The following SLK variants were observed in gnomAD, a reference collection of about 807,000 sequenced individuals.
SLK encodes STE20-like serine/threonine-protein kinase.
In SLK, 67 loss-of-function variants were observed where a neutral mutation model predicts 147.7. The ratio of observed to expected loss-of-function variants is 0.45; its 90% CI spans 0.37 to 0.56. The LOEUF (loss-of-function observed/expected upper bound fraction) is 0.56. SLK is among the 20% of genes least tolerant of loss of function. The pLI, the probability that SLK is intolerant of heterozygous loss-of-function variation, is 0.00. For missense variants in SLK, 1,136 were observed against 1,438.8 expected, an observed-to-expected ratio of 0.79 and a Z score of 3.41; for synonymous variants, 441 against 475.0, an observed-to-expected ratio of 0.93 and a Z score of 0.93.
Position 103,990,831 on chromosome 10 carries a change from A to G in SLK, c.307A>G (p.Asn103Asp), listed in dbSNP as rs1276790882. ...TCTAGATGCCTTCTATTATGAGAAC[A>G]ATCTTTGGGTAAGTATTTTCTGTTG... ...KLLDAFYYEN[N>D]LWILIEFCAG... Residue 103 changes from asparagine (N) to aspartate (D), a missense_variant, in exon 2 of 19, where the codon AAT becomes GAT. Asn to Asp is a conservative substitution (Grantham distance 23, BLOSUM62 1). Transcript: ENST00000369755. The G allele has an allele frequency of 6.7e-7, 1 of 1,499,056 alleles. No homozygotes were observed. Among genetic ancestry groups the G allele is most frequent in the Non-Finnish European group, 8.8e-7 (1 of 1,130,708 alleles). 92.9% of individuals were successfully genotyped at this position (1,499,056 alleles called of 1,614,324 possible).
In SLK at chr10:103,998,888, A is replaced by G. The variant is rs567455102; in HGVS notation, c.515-11A>G. 3 of 1,602,138 alleles carry G rather than the reference A, an allele frequency of 1.9e-6. No individual in the cohort carries two copies. The highest frequency in any genetic ancestry group is 2.6e-6 in the Non-Finnish European group (3 of 1,169,588). On this transcript the variant is annotated splice_polypyrimidine_tract_variant and intron_variant, in intron 4 of 18. Coordinates refer to ENST00000369755, the MANE Select transcript of SLK (RefSeq NM_014720.4). ...AAGTTCTCATTAATGCTTTTGTGTG[A>G]TTATTTCAAGCGGATTTTGGAGTAT...
At position 103,996,460 on chromosome 10, in the gene SLK, G is replaced by C. The variant is rs551382477; in HGVS notation, c.515-2439G>C. 2.3e-3 allele frequency among the ~76,000 whole-genome samples: 341 copies of C among 146,376 alleles called. 1 individual carries two copies. The highest frequency in any genetic ancestry group is 3.6e-3 in the Non-Finnish European group (245 of 67,236). On this transcript the variant is annotated intron_variant, in intron 4 of 18. Coordinates refer to ENST00000369755, the MANE Select transcript of SLK (RefSeq NM_014720.4). Reference sequence around the variant, plus strand: ...TTCACCCAGGCCGGACTGCAGTGGCGCTATCTCGGCTCACTGCAAGCTCTG... The same window carrying C: ...TTCACCCAGGCCGGACTGCAGTGGCCCTATCTCGGCTCACTGCAAGCTCTG...
chr10:104,018,136 C>T (rs775161423), intron 13 of SLK, 24 bp from the exon 14 acceptor site: 5 of 1,563,136 alleles, frequency 3.2e-6, no homozygotes, highest in South Asian at 2.3e-5. Flanking sequence ...TACTTATTAA[C>T]TGACAATTAA....
chr10:104,009,845 T>C (rs962794215), intron 12 of SLK, among the ~76,000 whole-genome samples: 1 of 152,096 alleles, frequency 6.6e-6, no homozygotes, highest in Non-Finnish European at 1.5e-5. Flanking sequence ...TTAATGGTGA[T>C]TTGGTTTCAT....
At chr10:104,011,806 C>A (rs145203893) in intron 13 of SLK, among the ~76,000 whole-genome samples, 1 of 152,090 alleles carries the variant, frequency 6.6e-6, no homozygotes, top group African/African-American at 2.4e-5. Context: ...GTGATCTGCC[C>A]GCCTCAGCCT....
chr10:104,019,745 A>G lies in SLK; in HGVS notation c.3144A>G (p.Gln1048=), dbSNP rs146708638. 1.5e-5 allele frequency: 24 copies of G among 1,613,470 alleles called. No individual in the cohort carries two copies. The highest frequency in any genetic ancestry group is 2.7e-5 in the African/African-American group (2 of 74,898). ...LLKRHEKETE[Q]MQRYNQRLIE... Reference sequence around the variant, plus strand: ...TAAAACTTTCATAGGAAACAGAGCAAATGCAGCGTTACAATCAAAGACTTA... The same window carrying G: ...TAAAACTTTCATAGGAAACAGAGCAGATGCAGCGTTACAATCAAAGACTTA... Residue 1048 remains glutamine (Q), a synonymous_variant, in exon 16 of 19, where the codon CAA becomes CAG. Transcript: ENST00000369755.
chr10:103,973,658 TAC>T (rs1843823088), intron 1 of SLK, among the ~76,000 whole-genome samples: 1 of 152,258 alleles, frequency 6.6e-6, no homozygotes, highest in Admixed American at 6.5e-5. Flanking sequence ...AATAATGAGT[TAC>T]AGTTTTTTTC....
intron 1 of SLK, among the ~76,000 whole-genome samples, chr10:103,969,700 G>C (rs1201666023): frequency 6.6e-6 from 1 of 152,206 alleles, no homozygotes; most frequent in Non-Finnish European, 1.5e-5. Flanking sequence ...GTAGTGGGAA[G>C]ATCACTCCTG....
rs778249650 is a variant in SLK at position 104,003,346 on chromosome 10, A to G, written c.2168A>G (p.Lys723Arg). 1 of 1,614,046 alleles carries G rather than the reference A, an allele frequency of 6.2e-7. No homozygotes were observed. The highest frequency in any genetic ancestry group is 8.5e-7 in the Non-Finnish European group (1 of 1,179,930). ...ININSDSGEN[K>R]EEIGSLSKTE... is the part of the protein sequence containing the mutation. ...ATCAACTCTGACAGTGGAGAAAATA[A>G]AGAAGAAATAGGTTCTTTATCAAAA... is the stretch of plus-strand genomic sequence containing the variant. The change falls in exon 9 of 19, where the codon AAA (lysine) becomes AGA (arginine). Residue 723 changes from lysine (K) to arginine (R), a missense_variant. Around this residue, in one of 6 missense-constraint regions of SLK, gnomAD observed 516 missense variants for 531.3 expected, o/e 0.97. Transcript: ENST00000369755.
intron 1 of SLK, among the ~76,000 whole-genome samples, chr10:103,975,185 C>A (rs1488229536): frequency 6.7e-6 from 1 of 149,230 alleles, no homozygotes; most frequent in East Asian, 2.0e-4. Context: ...TACCCTAAGA[C>A]CTCCCTTTTG....
intron 1 of SLK, among the ~76,000 whole-genome samples, chr10:103,986,354 G>A (rs1489231017): frequency 2.6e-5 from 4 of 152,116 alleles, no homozygotes; most frequent in Admixed American, 6.5e-5. Context: ...ATCATCAGGC[G>A]TTAGATTCTC....
chr10:103,977,932 C>T (rs561790651), intron 1 of SLK, among the ~76,000 whole-genome samples: 25 of 152,218 alleles, frequency 1.6e-4, no homozygotes, highest in East Asian at 1.3e-3. Flanking sequence ...CTAGATTCTA[C>T]AGCTGTTCAT....
At chr10:103,983,627 T>G (rs1054022906) in intron 1 of SLK, among the ~76,000 whole-genome samples, 1 of 151,760 alleles carries the variant, frequency 6.6e-6, no homozygotes, top group African/African-American at 2.4e-5. Flanking sequence ...TCCTGTGAAC[T>G]TCCTGTCTGC....
At chr10:103,991,716 A>G (rs1349484485) in intron 2 of SLK, among the ~76,000 whole-genome samples, 1 of 151,732 alleles carries the variant, frequency 6.6e-6, no homozygotes, top group Non-Finnish European at 1.5e-5. Flanking sequence ...AGCACTTGTA[A>G]AAAAAAATAA....
intron 18 of SLK, among the ~76,000 whole-genome samples, chr10:104,024,038 C>G (rs903930964): frequency 6.6e-6 from 1 of 152,194 alleles, no homozygotes; most frequent in Non-Finnish European, 1.5e-5. Flanking sequence ...CACGTTTCCG[C>G]GCTCACTGCA....
chr10:104,005,857 T>C, intron 10 of SLK, 55 bp from the exon 11 acceptor site: 1 of 1,559,698 alleles, frequency 6.4e-7, no homozygotes, highest in East Asian at 2.3e-5. Context: ...AAAAAACGTA[T>C]TTCAGAAGTG....
Position 104,029,029 on chromosome 10 carries a change from A to G in SLK, c.*3309A>G, listed in dbSNP as rs1262613547. ...TTGATAAAGCTTTAACATTCCTGCT[A>G]CTAATTTTGGCGGAGAGTGTTTGCC... is the stretch of plus-strand genomic sequence containing the variant. On this transcript the variant is annotated 3_prime_UTR_variant, in exon 19 of 19. Coordinates refer to ENST00000369755, the MANE Select transcript of SLK (RefSeq NM_014720.4). The G allele has an allele frequency of 6.6e-6, 1 of 152,218 alleles. No individual in the cohort carries two copies. The highest frequency in any genetic ancestry group is 1.5e-5 in the Non-Finnish European group (1 of 68,044). 9.4% of individuals were successfully genotyped at this position (152,218 alleles called of 1,614,324 possible).
At chr10:103,978,435 T>C (rs1049416044) in intron 1 of SLK, among the ~76,000 whole-genome samples, 12 of 152,188 alleles carry the variant, frequency 7.9e-5, no homozygotes, top group Non-Finnish European at 1.5e-4. Flanking sequence ...TGTTACTGTA[T>C]GAAATGTTGC....
At chr10:103,993,641 T>A (rs1844128980) in intron 4 of SLK, among the ~76,000 whole-genome samples, 1 of 152,218 alleles carries the variant, frequency 6.6e-6, no homozygotes, top group South Asian at 2.1e-4. Context: ...CTAGAATTTT[T>A]AATTTTACTC....
Sources: allele counts gnomAD v4.1 joint callset (sites outside exome capture counted in the v4.1 genomes callset), GRCh38; gene constraint gnomAD v4.1.1; regional missense constraint gnomAD v4.1.1; transcripts MANE v1.5; gene names NCBI Gene and HGNC (gene_info 2026-07-23, HGNC 2026-07-21).